Variants in ADCY2 observed in about 807,000 individuals in gnomAD.
ADCY2 encodes the protein adenylate cyclase 2.
ADCY2 carries 31 observed loss-of-function variants against 125.2 expected under a neutral mutation model. The ratio of observed to expected loss-of-function variants is 0.25; its 90% CI spans 0.19 to 0.33. ADCY2 has a LOEUF of 0.33. Among genes scored for constraint, ADCY2 ranks in the 10% least tolerant of loss-of-function variants. ADCY2 has a pLI of 1.00. For missense variants in ADCY2, 904 were observed against 1,418.2 expected, an observed-to-expected ratio of 0.64 and a Z score of 5.82; for synonymous variants, 512 against 548.4, an observed-to-expected ratio of 0.93 and a Z score of 0.93.
chr5:7,569,239 G>C (rs1735998742), intron 3 of ADCY2, among the ~76,000 whole-genome samples: 1 of 152,082 alleles, frequency 6.6e-6, no homozygotes, highest in African/African-American at 2.4e-5. Flanking sequence ...TTCCAAAGCA[G>C]AGGATACCGC....
intron 4 of ADCY2, among the ~76,000 whole-genome samples, chr5:7,627,617 T>C (rs1473682811): frequency 6.6e-6 from 1 of 152,236 alleles, no homozygotes; most frequent in Non-Finnish European, 1.5e-5. Flanking sequence ...TCCTTAATTA[T>C]TGTTTGTGAA....
intron 3 of ADCY2, among the ~76,000 whole-genome samples, chr5:7,588,340 TACA>T (rs1481137679): frequency 1.3e-5 from 2 of 152,208 alleles, no homozygotes; most frequent in Admixed American, 1.3e-4. Context: ...TATTACATAT[TACA>T]ACAAGGCCAA....
intron 3 of ADCY2, among the ~76,000 whole-genome samples, chr5:7,558,454 T>C (rs1050544205): frequency 6.6e-6 from 1 of 152,238 alleles, no homozygotes; most frequent in Non-Finnish European, 1.5e-5. Context: ...GAGCTTTTTA[T>C]TATATGATTG....
chr5:7,598,213 G>A (rs1326978303), intron 3 of ADCY2, among the ~76,000 whole-genome samples: 3 of 152,130 alleles, frequency 2.0e-5, no homozygotes, highest in South Asian at 4.1e-4. Context: ...GTGGCCAAAC[G>A]TTAGAGAAAG....
At chr5:7,482,785 TATATATAC>T (rs1742784235) in intron 2 of ADCY2, among the ~76,000 whole-genome samples, 1 of 143,276 alleles carries the variant, frequency 7.0e-6, no homozygotes. Flanking sequence ...TATATATATA[TATATATAC>T]ACACACACAT....
intron 4 of ADCY2, among the ~76,000 whole-genome samples, chr5:7,632,823 G>A (rs554592009): frequency 1.3e-5 from 2 of 152,248 alleles, no homozygotes; most frequent in Admixed American, 6.5e-5. Context: ...AATGAGAAAC[G>A]AAAATTAACT....
intron 2 of ADCY2, among the ~76,000 whole-genome samples, chr5:7,496,702 G>A (rs1020578623): frequency 2.0e-5 from 3 of 152,036 alleles, no homozygotes; most frequent in Admixed American, 1.3e-4. Flanking sequence ...CCTGATAAAC[G>A]AGAGACTCAA....
chr5:7,440,513 C>G (rs993827566), intron 2 of ADCY2, among the ~76,000 whole-genome samples: 1 of 152,130 alleles, frequency 6.6e-6, no homozygotes, highest in Admixed American at 6.6e-5. Flanking sequence ...TTATCCTGAA[C>G]ATTTTGAGTC....
chr5:7,566,776 A>G (rs1735906067), intron 3 of ADCY2, among the ~76,000 whole-genome samples: 1 of 152,138 alleles, frequency 6.6e-6, no homozygotes, highest in Non-Finnish European at 1.5e-5. Flanking sequence ...CAGAATTAGT[A>G]ACTGTATGGT....
At chr5:7,595,672 G>A (rs73739862) in intron 3 of ADCY2, among the ~76,000 whole-genome samples, 7,898 of 152,132 alleles carry the variant, frequency 0.052, 251 homozygotes, top group Middle Eastern at 0.11. Context: ...TTTGTTACCA[G>A]ACCCCCCACC....
chr5:7,414,681 C>G lies in ADCY2; in HGVS notation c.319C>G (p.Arg107Gly), dbSNP rs372373069. ...CIESVFKKLL[R>G]LFSLVIWICL... ...CGAGTCTGTGTTTAAGAAGCTGCTGCGCCTCTTCTCGTTGGTGATATGGAT... is the reference window on the plus strand; with the variant it reads ...CGAGTCTGTGTTTAAGAAGCTGCTGGGCCTCTTCTCGTTGGTGATATGGAT... The change falls in exon 2 of 25, where the codon CGC (arginine) becomes GGC (glycine). Residue 107 changes from arginine (R) to glycine (G), a missense_variant. By Grantham distance (125) the Arg-to-Gly change is moderately radical. Around this residue, in one of 7 missense-constraint regions of ADCY2, gnomAD observed 121 missense variants for 161.5 expected, o/e 0.75. Coordinates refer to ENST00000338316, the MANE Select transcript of ADCY2 (RefSeq NM_020546.3). 1 of 1,613,796 alleles carries G rather than the reference C, an allele frequency of 6.2e-7. No individual in the cohort carries two copies. Among genetic ancestry groups the G allele is most frequent in the African/African-American group, 1.3e-5 (1 of 74,996 alleles).
At chr5:7,811,181 G>A (rs1744931914) in intron 22 of ADCY2, among the ~76,000 whole-genome samples, 1 of 152,158 alleles carries the variant, frequency 6.6e-6, no homozygotes, top group Non-Finnish European at 1.5e-5. Context: ...CTCCAGCAAG[G>A]TGTCAGCACT....
intron 3 of ADCY2, among the ~76,000 whole-genome samples, chr5:7,567,400 A>G (rs559658779): frequency 5.3e-5 from 8 of 152,184 alleles, no homozygotes; most frequent in Admixed American, 2.0e-4. Context: ...GTTAAAACTG[A>G]TACTTCAGGA....
intron 2 of ADCY2, among the ~76,000 whole-genome samples, chr5:7,493,753 C>T (rs895660491): frequency 2.6e-5 from 4 of 152,084 alleles, no homozygotes; most frequent in Non-Finnish European, 4.4e-5. Flanking sequence ...AGTTCAATCA[C>T]GGGATACAAC....
intron 14 of ADCY2, among the ~76,000 whole-genome samples, chr5:7,729,637 A>G (rs540993574): frequency 4.6e-5 from 7 of 151,108 alleles, no homozygotes; most frequent in Admixed American, 4.6e-4. Flanking sequence ...TTTATTAGAA[A>G]GTAAAGAAAT....
At chr5:7,635,647 C>T (rs1738473289) in intron 4 of ADCY2, among the ~76,000 whole-genome samples, 1 of 152,072 alleles carries the variant, frequency 6.6e-6, no homozygotes, top group Admixed American at 6.5e-5. Context: ...TGAAAGTCAT[C>T]AGCATATAGT....
chr5:7,713,384 C>T (rs923665923), intron 11 of ADCY2, among the ~76,000 whole-genome samples: 1 of 151,594 alleles, frequency 6.6e-6, no homozygotes, highest in Non-Finnish European at 1.5e-5. Context: ...ATCCCAGCTA[C>T]TCGGGAGGCT....
At chr5:7,618,268 G>A (rs1737830345) in intron 3 of ADCY2, among the ~76,000 whole-genome samples, 1 of 152,056 alleles carries the variant, frequency 6.6e-6, no homozygotes, top group Non-Finnish European at 1.5e-5. Flanking sequence ...CCTTTCATCA[G>A]GTGTTTTCTG....
chr5:7,539,381 T>C (rs4235578), intron 3 of ADCY2, among the ~76,000 whole-genome samples: 151,497 of 152,174 alleles, frequency 1, 75,415 homozygotes, highest in Middle Eastern at 1. Context: ...AAACCTCATG[T>C]ACCTTAGCAT....
Sources: gnomAD v4.1 joint callset for allele counts (sites outside exome capture counted in the v4.1 genomes callset) on GRCh38, gnomAD v4.1.1 for gene constraint, gnomAD v4.1.1 regional missense constraint, MANE v1.5 for transcripts, NCBI Gene and HGNC (gene_info 2026-07-23, HGNC 2026-07-21) for gene names.